The following CDH23 variants were observed in gnomAD, a reference collection of about 807,000 sequenced individuals.
CDH23 encodes the protein cadherin related 23.
Under a neutral mutation model 317.1 loss-of-function variants are expected in CDH23, and 189 were observed. The observed-to-expected ratio is 0.60, with a 90% CI of 0.53 to 0.67. The LOEUF (loss-of-function observed/expected upper bound fraction) is 0.67. Among genes scored for constraint, CDH23 ranks in the 30% least tolerant of loss-of-function variants. The pLI is 0.00. For synonymous variants in CDH23, 1,839 were observed against 1,876.8 expected, an observed-to-expected ratio of 0.98 and a Z score of 0.52; for missense variants, 4,401 against 4,592.4, an observed-to-expected ratio of 0.96 and a Z score of 1.20.
intron 1 of CDH23, among the ~76,000 whole-genome samples, chr10:71,427,713 C>CTTT (rs1287974246): frequency 7.5e-6 from 1 of 133,776 alleles, no homozygotes; most frequent in East Asian, 2.1e-4. Context: ...TCTATGCTTA[C>CTTT]TTTTTTTTTT....
chr10:71,587,101 C>T (rs1859126162), intron 9 of CDH23, among the ~76,000 whole-genome samples: 1 of 152,234 alleles, frequency 6.6e-6, no homozygotes, highest in Admixed American at 6.5e-5. Flanking sequence ...TGGCTAGAGC[C>T]ATTTAACAGA....
intron 28 of CDH23, chr10:71,715,246 TC>T (rs1282790032): frequency 1.3e-5 from 2 of 152,220 alleles, no homozygotes; most frequent in Non-Finnish European, 2.9e-5. Context: ...TCATCTTCAA[TC>T]CCTTCCTGAT....
intron 2 of CDH23, among the ~76,000 whole-genome samples, chr10:71,440,683 G>A (rs1433428954): frequency 1.3e-5 from 2 of 152,210 alleles, no homozygotes; most frequent in Non-Finnish European, 2.9e-5. Flanking sequence ...AGAGGCCTGG[G>A]CATTTGCTTC....
chr10:71,459,134 C>T (rs1166486963), intron 3 of CDH23, among the ~76,000 whole-genome samples: 17 of 141,620 alleles, frequency 1.2e-4, no homozygotes, highest in African/African-American at 4.4e-4. Context: ...GTCACCGAGG[C>T]TGGCACGCAG....
At chr10:71,655,924 A>G (rs977962057) in intron 14 of CDH23, among the ~76,000 whole-genome samples, 4 of 152,064 alleles carry the variant, frequency 2.6e-5, no homozygotes, top group South Asian at 2.1e-4. Context: ...GGCTCCCCCA[A>G]CATCCCCTCG....
chr10:71,793,266 A>G lies in CDH23; in HGVS notation c.6338A>G (p.Gln2113Arg), dbSNP rs182041993. Residue 2113 changes from glutamine (Q) to arginine (R), a missense_variant, in exon 48 of 70, where the codon CAG becomes CGG. By Grantham distance (43) the Gln-to-Arg change is conservative. Around this residue, in one of 3 missense-constraint regions of CDH23, gnomAD observed 3,068 missense variants for 3,203.3 expected, o/e 0.96. Coordinates refer to ENST00000224721, the MANE Select transcript of CDH23 (RefSeq NM_022124.6). ...ELVYRIEAGA[Q>R]DRFLIHLVTG... is the part of the protein sequence containing the mutation. ...GTCTACCGAATAGAAGCTGGGGCTC[A>G]GGACCGCTTCCTCATTCATCTGGTC... The G allele has an allele frequency of 1.9e-6, 3 of 1,613,986 alleles. No homozygotes were observed. Among genetic ancestry groups the G allele is most frequent in the Non-Finnish European group, 2.5e-6 (3 of 1,179,888 alleles).
chr10:71,712,530 C>T, intron 27 of CDH23, 135 bp from the exon 28 acceptor site: 1 of 861,144 alleles, frequency 1.2e-6, no homozygotes, highest in South Asian at 1.7e-5. Context: ...AAGGAAGTCA[C>T]CCCTTGCAAA....
chr10:71,520,170 G>A (rs369868735), intron 6 of CDH23, among the ~76,000 whole-genome samples: 2 of 152,202 alleles, frequency 1.3e-5, no homozygotes, highest in African/African-American at 2.4e-5. Context: ...CTGGAAGTCC[G>A]AGGAGCTCGA....
intron 30 of CDH23, 105 bp downstream of exon 30, chr10:71,725,625 C>A: frequency 1.5e-6 from 2 of 1,312,018 alleles, no homozygotes; most frequent in South Asian, 2.9e-5. Context: ...AGGGCCACCA[C>A]TGATTTAGGT....
At chr10:71,409,205 G>A (rs1848243252) in intron 1 of CDH23, among the ~76,000 whole-genome samples, 1 of 152,202 alleles carries the variant, frequency 6.6e-6, no homozygotes, top group Non-Finnish European at 1.5e-5. Context: ...GTAAGGGGCA[G>A]GGGATTCCCT....
chr10:71,440,091 C>T (rs1849804832), intron 2 of CDH23, among the ~76,000 whole-genome samples, 193 bp downstream of exon 2: 1 of 152,186 alleles, frequency 6.6e-6, no homozygotes, highest in Non-Finnish European at 1.5e-5. Context: ...GCTGAAAATA[C>T]CAGCTGTCCC....
chr10:71,779,226 G>A (rs1840891349), intron 40 of CDH23, 41 bp from the exon 41 acceptor site: 3 of 1,596,728 alleles, frequency 1.9e-6, no homozygotes, highest in African/African-American at 2.7e-5. Context: ...GCACAAAGCT[G>A]GCTGGGGTGA....
intron 41 of CDH23, among the ~76,000 whole-genome samples, chr10:71,781,161 A>C (rs574399420): frequency 4.6e-5 from 7 of 152,252 alleles, no homozygotes; most frequent in African/African-American, 1.7e-4. Flanking sequence ...GGAAACAAAG[A>C]GCGGTGCGAA....
At chr10:71,420,654 G>T (rs966368731) in intron 1 of CDH23, among the ~76,000 whole-genome samples, 1 of 151,732 alleles carries the variant, frequency 6.6e-6, no homozygotes, top group African/African-American at 2.4e-5. Context: ...AGGTGAGTTT[G>T]TATTCCAGAG....
Position 71,626,094 on chromosome 10 carries a change from C to T in CDH23, c.1134+8701C>T, listed in dbSNP as rs146144713. On this transcript the variant is annotated intron_variant, in intron 11 of 69. Coordinates refer to ENST00000224721, the MANE Select transcript of CDH23 (RefSeq NM_022124.6). Reference sequence around the variant, plus strand: ...TCTCCTTGTTTAATGCATCCTGAAGCGCATACAGGATTATAACAACCTTTT... The same window carrying T: ...TCTCCTTGTTTAATGCATCCTGAAGTGCATACAGGATTATAACAACCTTTT... 9.0e-3 allele frequency among the ~76,000 whole-genome samples: 1,366 copies of T among 152,266 alleles called. 25 individuals carry two copies. Among genetic ancestry groups the T allele is most frequent in the African/African-American group, 0.032 (1,314 of 41,542 alleles).
rs10400033 is a variant in CDH23 at position 71,397,927 on chromosome 10, C to T, written c.-6+609C>T. On this transcript the variant is annotated intron_variant, in intron 1 of 69. Coordinates refer to ENST00000224721, the MANE Select transcript of CDH23 (RefSeq NM_022124.6). The surrounding 1 kb of genome is among the most constrained non-coding windows in gnomAD (Gnocchi z 4.8). ...TGGGAAGACGCGCCCCTCGAGGAGCCGGGAGCCTTTTGCGGCTCTCGCTTC... is the reference window on the plus strand; with the variant it reads ...TGGGAAGACGCGCCCCTCGAGGAGCTGGGAGCCTTTTGCGGCTCTCGCTTC... Among the ~76,000 whole-genome samples, 2,639 of 152,322 alleles carry T rather than the reference C, an allele frequency of 0.017. 64 individuals are homozygous for T. The highest frequency in any genetic ancestry group is 0.058 in the African/African-American group (2,407 of 41,572).
chr10:71,804,067 AGTCTGTTTTCTGTAC>A (rs1453455979), intron 55 of CDH23, among the ~76,000 whole-genome samples: 2 of 152,032 alleles, frequency 1.3e-5, no homozygotes, highest in Non-Finnish European at 2.9e-5. Context: ...GACTTCTGTA[AGTCTGTTTTCTGTAC>A]GTCTATTTTT....
chr10:71,510,363 G>T, intron 4 of CDH23, 139 bp downstream of exon 4: 1 of 986,682 alleles, frequency 1.0e-6, no homozygotes. Context: ...CTGCCTGAAT[G>T]GTATTCCTCT....
intron 14 of CDH23, among the ~76,000 whole-genome samples, chr10:71,655,761 A>C (rs183758594): frequency 1.5e-4 from 23 of 152,060 alleles, no homozygotes; most frequent in Non-Finnish European, 2.8e-4. Context: ...TGGAGGAAGG[A>C]ATGTGGGCAG....
Sources: allele counts gnomAD v4.1 joint callset (sites outside exome capture counted in the v4.1 genomes callset), GRCh38; gene constraint gnomAD v4.1.1; regional missense constraint gnomAD v4.1.1; non-coding constraint Gnocchi (gnomAD v3.1); transcripts MANE v1.5; gene names NCBI Gene and HGNC (gene_info 2026-07-23, HGNC 2026-07-21).